Variants in KIF4A observed in about 807,000 individuals in gnomAD.
KIF4A encodes the protein kinesin family member 4A.
In KIF4A, 7 loss-of-function variants were observed where a neutral mutation model predicts 105.9. The observed-to-expected ratio is 0.07, with a 90% CI of 0.04 to 0.12. KIF4A has a LOEUF of 0.12. KIF4A is among the 10% of genes least tolerant of loss of function. The pLI is 1.00. For missense variants in KIF4A, 558 were observed against 929.2 expected, an observed-to-expected ratio of 0.60 and a Z score of 5.19; for synonymous variants, 281 against 331.3, an observed-to-expected ratio of 0.85 and a Z score of 1.65.
intron 10 of KIF4A, among the ~76,000 whole-genome samples, chrX:70,339,004 G>C (rs1399644103): frequency 1.9e-5 from 2 of 106,011 alleles, no homozygotes; most frequent in Non-Finnish European, 3.9e-5. Flanking sequence ...AGAATGGCAT[G>C]AACCTGGGAG....
Position 70,417,972 on chromosome X carries a change from C to G in KIF4A, c.3340C>G (p.Pro1114Ala), listed in dbSNP as rs192686009. 1.8e-4 allele frequency: 220 copies of G among 1,208,463 alleles called. No homozygotes were observed. Among genetic ancestry groups the G allele is most frequent in the Admixed American group, 1.5e-3 (70 of 45,597 alleles). Reference protein sequence around the residue: ...SDCGVDCCCDPTKCRNRQQGK... With the variant: ...SDCGVDCCCDATKCRNRQQGK... ...CTGTGGTGTGGACTGTTGCTGTGAC[C>G]CCACAAAGTGTCGGAACCGCCAGCA... is the stretch of plus-strand genomic sequence containing the variant. The change falls in exon 29 of 31, where the codon CCC (proline) becomes GCC (alanine). Residue 1114 changes from proline to alanine, a missense_variant. By Grantham distance (27) the Pro-to-Ala change is conservative. This residue lies in a region of KIF4A where 469 missense variants were observed against 680.4 expected (regional missense o/e 0.69). Transcript: ENST00000374403.
At chrX:70,362,843 C>A (rs1050423996) in intron 15 of KIF4A, among the ~76,000 whole-genome samples, 4 of 112,340 alleles carry the variant, frequency 3.6e-5, no homozygotes, top group South Asian at 3.7e-4. Context: ...GAAATAAATT[C>A]TTAATATAAT....
chrX:70,290,307 G>A, intron 1 of KIF4A, 131 bp from the exon 2 acceptor site: 5 of 807,616 alleles, frequency 6.2e-6, no homozygotes, highest in Non-Finnish European at 8.7e-6. Context: ...GTCCAGCCCT[G>A]GCCAAGTCAT....
intron 28 of KIF4A, among the ~76,000 whole-genome samples, chrX:70,416,864 G>A (rs1295410133): frequency 8.9e-6 from 1 of 112,775 alleles, no homozygotes; most frequent in Non-Finnish European, 1.9e-5. Flanking sequence ...AGATTCAAAT[G>A]AGATTTTGTA....
At chrX:70,400,763 G>T (rs2086278225) in intron 22 of KIF4A, among the ~76,000 whole-genome samples, 1 of 106,440 alleles carries the variant, frequency 9.4e-6, no homozygotes, top group Non-Finnish European at 2.0e-5. Context: ...ATAGGTTTAT[G>T]TTTTTTTTTT....
intron 18 of KIF4A, among the ~76,000 whole-genome samples, chrX:70,386,016 C>T (rs1314701313): frequency 1.8e-5 from 2 of 111,217 alleles, no homozygotes; most frequent in Non-Finnish European, 3.8e-5. Flanking sequence ...GCCCCCCTTT[C>T]TCCATCCCTC....
chrX:70,355,693 G>A (rs1268170800), intron 15 of KIF4A, among the ~76,000 whole-genome samples: 1 of 111,253 alleles, frequency 9.0e-6, no homozygotes, highest in Admixed American at 9.6e-5. Flanking sequence ...AAGCTGCTGG[G>A]AATGGTCTTG....
In KIF4A at chrX:70,296,677, A is replaced by G. The variant is rs1187836582; in HGVS notation, c.236-321A>G. Among the ~76,000 whole-genome samples, 6 of 112,657 alleles carry G rather than the reference A, an allele frequency of 5.3e-5. No homozygotes were observed. The East Asian group carries it at 1.1e-3, about 21-fold the overall frequency. On this transcript the variant is annotated intron_variant, in intron 3 of 30. Transcript: ENST00000374403. The stretch of plus-strand genomic sequence containing the variant: ...AGGAAGACAGAATTTTCAAGCTCCA[A>G]TGGCTTTTGACAGTGGCTTGGCCAC...
At chrX:70,297,233 G>T (rs1455218872) in intron 4 of KIF4A, 45 bp downstream of exon 4, 1 of 1,094,592 alleles carries the variant, frequency 9.1e-7, no homozygotes, top group Non-Finnish European at 1.2e-6. Context: ...AATTGTCTTT[G>T]GGTCGAAAAA....
At chrX:70,290,311 A>G (rs1053099673) in intron 1 of KIF4A, 127 bp from the exon 2 acceptor site, 2 of 831,473 alleles carry the variant, frequency 2.4e-6, no homozygotes, top group African/African-American at 4.1e-5. Flanking sequence ...AGCCCTGGCC[A>G]AGTCATGGAG....
chrX:70,358,556 G>A (rs1271591039), intron 15 of KIF4A, among the ~76,000 whole-genome samples: 6 of 111,491 alleles, frequency 5.4e-5, no homozygotes, highest in Middle Eastern at 4.6e-3. Context: ...CTTTTTGTGT[G>A]GATGCATAGC....
At chrX:70,375,680 G>C (rs2086172109) in intron 17 of KIF4A, among the ~76,000 whole-genome samples, 1 of 111,855 alleles carries the variant, frequency 8.9e-6, no homozygotes, top group African/African-American at 3.3e-5. Flanking sequence ...TAAGATGACA[G>C]ACACCTAGAG....
rs145921459 is a variant in KIF4A at position 70,406,902 on chromosome X, T to C, written c.3082T>C (p.Ser1028Pro). The C allele has an allele frequency of 4.2e-5, 51 of 1,209,649 alleles. No individual in the cohort carries two copies. The highest frequency in any genetic ancestry group is 5.4e-5 in the Non-Finnish European group (48 of 895,202). The part of the protein sequence containing the change: ...FEYVPPKPKP[S>P]RVKEKFLEQS... ...AAACCTTTTTTCCTAGCCAAAACCT[T>C]CTCGTGTTAAAGAAAAGTTCCTGGA... Residue 1028 changes from serine (S) to proline (P), a missense_variant, in exon 28 of 31, where the codon TCT becomes CCT. Ser to Pro is a moderately conservative substitution (Grantham distance 74). This residue lies in a region of KIF4A where 469 missense variants were observed against 680.4 expected (regional missense o/e 0.69). Coordinates refer to ENST00000374403, the MANE Select transcript of KIF4A (RefSeq NM_012310.5).
intron 20 of KIF4A, among the ~76,000 whole-genome samples, chrX:70,392,172 G>A (rs777274894): frequency 1.8e-5 from 2 of 111,728 alleles, no homozygotes; most frequent in East Asian, 5.6e-4. Context: ...ACTGGCCTCA[G>A]AAAGAGCTGG....
intron 18 of KIF4A, among the ~76,000 whole-genome samples, chrX:70,382,421 ACT>A (rs2086200521): frequency 1.8e-5 from 2 of 112,080 alleles, no homozygotes; most frequent in South Asian, 7.4e-4. Flanking sequence ...ACAGAGTGAG[ACT>A]CTGTCTCAAA....
At chrX:70,354,384 G>T (rs1210001023) in intron 15 of KIF4A, among the ~76,000 whole-genome samples, 3 of 112,166 alleles carry the variant, frequency 2.7e-5, no homozygotes, top group Non-Finnish European at 5.6e-5. Flanking sequence ...AGGATGGGTG[G>T]TAGGGGGAAG....
At chrX:70,311,680 G>A (rs977639125) in intron 7 of KIF4A, among the ~76,000 whole-genome samples, 2 of 111,221 alleles carry the variant, frequency 1.8e-5, no homozygotes, top group African/African-American at 6.5e-5. Flanking sequence ...AATCACCTAG[G>A]TCAGGTTCAG....
At chrX:70,298,246 C>G (rs1364702825) in intron 4 of KIF4A, among the ~76,000 whole-genome samples, 15 of 110,602 alleles carry the variant, frequency 1.4e-4, no homozygotes, top group Non-Finnish European at 1.9e-5. Flanking sequence ...TTATTTATTT[C>G]TTTTGAGAAA....
At chrX:70,409,272 A>C (rs2086312116) in intron 28 of KIF4A, among the ~76,000 whole-genome samples, 2 of 112,064 alleles carry the variant, frequency 1.8e-5, no homozygotes, top group South Asian at 3.7e-4. Context: ...CAGTCTTGGG[A>C]GCAACTGGGA....
Sources: allele counts gnomAD v4.1 joint callset (sites outside exome capture counted in the v4.1 genomes callset), GRCh38; gene constraint gnomAD v4.1.1; regional missense constraint gnomAD v4.1.1; transcripts MANE v1.5; gene names NCBI Gene and HGNC (gene_info 2026-07-23, HGNC 2026-07-21).